The following FMN1 variants were observed in gnomAD, a reference collection of about 807,000 sequenced individuals.
The protein encoded by FMN1 is formin 1.
In FMN1, 110 loss-of-function variants were observed where a neutral mutation model predicts 132.4. The observed-to-expected ratio is 0.83, with a 90% CI of 0.71 to 0.97. The LOEUF is 0.97. FMN1 is among the 50% of genes least tolerant of loss of function. The pLI is 0.00. For synonymous variants in FMN1, 722 were observed against 651.7 expected (o/e 1.11, Z -1.64); for missense variants, 1,792 against 1,705.3 (o/e 1.05, Z -0.90).
intron 6 of FMN1, among the ~76,000 whole-genome samples, chr15:33,041,213 C>T (rs2036417910): frequency 6.6e-6 from 1 of 151,656 alleles, no homozygotes; most frequent in South Asian, 2.1e-4. Context: ...ATTCAAACTA[C>T]TTTTCGTGAA....
intron 7 of FMN1, among the ~76,000 whole-genome samples, chr15:32,999,198 T>G (rs1329653991): frequency 1.3e-5 from 2 of 152,226 alleles, no homozygotes; most frequent in African/African-American, 2.4e-5. Flanking sequence ...GTTTTGTTTA[T>G]TGGCCTACAA....
At chr15:32,919,740 T>C (rs754688461) in intron 10 of FMN1, among the ~76,000 whole-genome samples, 55 of 152,296 alleles carry the variant, frequency 3.6e-4, no homozygotes, top group African/African-American at 9.4e-4. Flanking sequence ...TAGACTGAGA[T>C]TGTTCCTCAG....
intron 5 of FMN1, among the ~76,000 whole-genome samples, chr15:33,077,402 A>T (rs2141304838): frequency 6.7e-6 from 1 of 149,078 alleles, no homozygotes; most frequent in South Asian, 2.1e-4. Flanking sequence ...TCTAGGGAAC[A>T]TGTGCACAAC....
intron 17 of FMN1, chr15:32,810,781 G>A (rs2057848772): frequency 2.1e-5 from 5 of 237,452 alleles, no homozygotes; most frequent in South Asian, 1.6e-4. Context: ...TGAAATAAGG[G>A]GAAGGGATAA....
At chr15:33,012,732 T>G in intron 6 of FMN1, 4 of 750,494 alleles carry the variant, frequency 5.3e-6, no homozygotes, top group South Asian at 1.3e-5. Flanking sequence ...GTGGTGGCCA[T>G]GGAGGTGGTT....
chr15:32,968,727 T>C lies in FMN1; in HGVS notation c.2974A>G (p.Ile992Val). The C allele has an allele frequency of 6.2e-7, 1 of 1,613,520 alleles. No homozygotes were observed. The highest frequency in any genetic ancestry group is 8.5e-7 in the Non-Finnish European group (1 of 1,179,670). ...GGGAGAACTTACCTCCTATCACTTA[T>C]TTGTATCCTAGTCCAATATAAAGGC... ...MKPLYWTRIQ[I>V]SDRSQNATPT... The change falls in exon 8 of 21, where the codon ATA becomes GTA. Residue 992 changes from isoleucine to valine, a missense_variant. Physicochemically the swap from Ile to Val is conservative, Grantham distance 29 (BLOSUM62 3). Coordinates refer to ENST00000616417, the MANE Select transcript of FMN1 (RefSeq NM_001277313.2).
At chr15:32,982,942 A>G (rs147849475) in intron 7 of FMN1, among the ~76,000 whole-genome samples, 1 of 152,250 alleles carries the variant, frequency 6.6e-6, no homozygotes, top group African/African-American at 2.4e-5. Context: ...GTCCATCATC[A>G]TGTAAGCCAA....
chr15:33,037,581 A>C lies in FMN1; in HGVS notation c.2161+27376T>G, dbSNP rs1425007596. 2.0e-5 allele frequency among the ~76,000 whole-genome samples: 3 copies of C among 152,186 alleles called. No individual in the cohort carries two copies. The South Asian group carries it at 6.2e-4, about 32-fold the overall frequency. ...AAAACCAGGCAGCAAGCCACAGTGA[A>C]AGAAAATTTGCCATGACCTGGGGAA... On this transcript the variant is annotated intron_variant, in intron 6 of 20. Transcript: ENST00000616417.
chr15:33,192,056 T>C (rs1042481030), intron 2 of FMN1, among the ~76,000 whole-genome samples: 1 of 152,216 alleles, frequency 6.6e-6, no homozygotes, highest in Non-Finnish European at 1.5e-5. Flanking sequence ...GTAGCATCAC[T>C]GCAAGATATG....
intron 6 of FMN1, among the ~76,000 whole-genome samples, chr15:33,032,807 A>T (rs1375883302): frequency 6.6e-6 from 1 of 152,152 alleles, no homozygotes; most frequent in Non-Finnish European, 1.5e-5. Context: ...GGCCTGGTTC[A>T]AATCCTAGCT....
At chr15:32,955,600 G>A (rs1427801011) in intron 9 of FMN1, among the ~76,000 whole-genome samples, 1 of 152,178 alleles carries the variant, frequency 6.6e-6, no homozygotes, top group Non-Finnish European at 1.5e-5. Flanking sequence ...AAATGAATGA[G>A]ATTTGGGAAA....
intron 15 of FMN1, among the ~76,000 whole-genome samples, chr15:32,896,196 A>AG (rs2060150722): frequency 6.6e-6 from 1 of 151,968 alleles, no homozygotes; most frequent in Non-Finnish European, 1.5e-5. Context: ...CATGTTCTTA[A>AG]GTTTTGTGAT....
intron 6 of FMN1, among the ~76,000 whole-genome samples, chr15:33,057,650 T>C (rs1254466714): frequency 6.6e-6 from 1 of 152,196 alleles, no homozygotes; most frequent in African/African-American, 2.4e-5. Context: ...TCAAACTTAA[T>C]TATTTCTTCA....
Position 32,900,118 on chromosome 15 carries a change from A to T in FMN1, c.3515T>A (p.Leu1172Gln). Residue 1172 changes from leucine (L) to glutamine (Q), a missense_variant, in exon 14 of 21, where the codon CTG becomes CAG. By Grantham distance (113) the Leu-to-Gln change is moderately radical. Around this residue, in one of 3 missense-constraint regions of FMN1, gnomAD observed 1,150 missense variants for 1,043.1 expected, o/e 1.10. Coordinates refer to ENST00000616417, the MANE Select transcript of FMN1 (RefSeq NM_001277313.2). ...AATATCCTTCACGCTCTTCACGTGC[A>T]GCAAGTCCTGTGATGGCAAACACCA... is the stretch of plus-strand genomic sequence containing the variant. ...EIITRASKDLLHVKSVKDILA... is the reference protein window; with the variant it reads ...EIITRASKDLQHVKSVKDILA... 1 of 1,613,818 alleles carries T rather than the reference A, an allele frequency of 6.2e-7. No homozygotes were observed. Among genetic ancestry groups the T allele is most frequent in the Non-Finnish European group, 8.5e-7 (1 of 1,179,876 alleles).
intron 9 of FMN1, among the ~76,000 whole-genome samples, chr15:32,950,341 C>T (rs2061624057): frequency 6.6e-6 from 1 of 151,686 alleles, no homozygotes; most frequent in South Asian, 2.1e-4. Flanking sequence ...ACTGGGTATA[C>T]ACCCAAAGGA....
In FMN1 at chr15:33,154,498, C is replaced by T; in HGVS notation, c.417G>A (p.Trp139Ter). Residue 139 changes from tryptophan (W) to a stop codon, truncating the protein, a stop_gained, in exon 4 of 21, where the codon TGG (tryptophan) becomes TGA (stop). Transcript: ENST00000616417. LOFTEE classifies it high-confidence loss of function. ...GAGGGCCCACGGGGAGCTCTCCCTG[C>T]CAGTCACCAGCACTCTGGAAACAGT... ...EDDCFQSAGDWQGELPVGPLN... is the reference protein window; with the variant it reads ...EDDCFQSAGD 1 of 1,531,160 alleles carries T rather than the reference C, an allele frequency of 6.5e-7. No individual in the cohort carries two copies. Among genetic ancestry groups the T allele is most frequent in the Non-Finnish European group, 8.7e-7 (1 of 1,146,870 alleles). 94.8% of individuals were successfully genotyped at this position (1,531,160 alleles called of 1,614,324 possible). A position where few individuals can be genotyped will look rare whatever the true frequency, so the allele number is the denominator to read the frequency against.
intron 5 of FMN1, among the ~76,000 whole-genome samples, chr15:33,075,038 A>AAAAG (rs2038151210): frequency 8.9e-6 from 1 of 112,016 alleles, no homozygotes; most frequent in Non-Finnish European, 2.2e-5. Context: ...AAAAAAAAAA[A>AAAAG]AAAAAAAAAG....
intron 9 of FMN1, among the ~76,000 whole-genome samples, chr15:32,952,475 T>C (rs949923812): frequency 2.6e-5 from 4 of 152,222 alleles, no homozygotes; most frequent in African/African-American, 7.2e-5. Flanking sequence ...TGTTCCCGAA[T>C]TGGACAGGAA....
intron 17 of FMN1, among the ~76,000 whole-genome samples, chr15:32,844,769 G>A (rs1262218306): frequency 6.6e-6 from 1 of 152,112 alleles, no homozygotes; most frequent in African/African-American, 2.4e-5. Flanking sequence ...CGCACCATTG[G>A]GTAAGTAAAA....
Sources: allele counts gnomAD v4.1 joint callset (sites outside exome capture counted in the v4.1 genomes callset), GRCh38; gene constraint gnomAD v4.1.1; regional missense constraint gnomAD v4.1.1; transcripts MANE v1.5; gene names NCBI Gene and HGNC (gene_info 2026-07-23, HGNC 2026-07-21).